GMDS: variants seen among roughly 807,000 people sequenced by gnomAD.
GMDS encodes GDP-mannose 4,6-dehydratase, also known as GDP-mannose 4,6 dehydratase.
A neutral mutation model predicts 49.9 loss-of-function variants in GMDS; 20 were observed. That is an observed-to-expected ratio of 0.40 (90% CI 0.28 to 0.58). The LOEUF (loss-of-function observed/expected upper bound fraction) is 0.58, where lower values mean the gene tolerates loss of function less well. Among genes scored for constraint, GMDS ranks in the 20% least tolerant of loss-of-function variants. The pLI, the probability that GMDS is intolerant of heterozygous loss-of-function variation, is 0.42. For missense variants in GMDS, 362 were observed against 481.4 expected (o/e 0.75, Z 2.32); for synonymous variants, 177 against 178.6 (o/e 0.99, Z 0.07).
intron 4 of GMDS, 22 bp from the exon 5 acceptor site, chr6:1,960,988 A>G (rs779713894): frequency 2.0e-6 from 3 of 1,480,910 alleles, no homozygotes; most frequent in South Asian, 1.4e-5. Context: ...AGGCGGAGAC[A>G]GGGCTGCATT....
intron 6 of GMDS, among the ~76,000 whole-genome samples, chr6:1,932,335 C>T (rs1762325159): frequency 6.6e-6 from 1 of 152,102 alleles, no homozygotes; most frequent in South Asian, 2.1e-4. Context: ...ATATTACCCC[C>T]ATTTTGTACA....
chr6:1,714,827 T>C (rs969453196), intron 9 of GMDS, among the ~76,000 whole-genome samples: 1 of 152,370 alleles, frequency 6.6e-6, no homozygotes, highest in Non-Finnish European at 1.5e-5. Context: ...TACTATGAGA[T>C]TTTCCCACAA....
chr6:1,852,601 AT>A (rs1237208913), intron 7 of GMDS, among the ~76,000 whole-genome samples: 4 of 151,882 alleles, frequency 2.6e-5, no homozygotes, highest in Non-Finnish European at 4.4e-5. Context: ...AAAATTTAGC[AT>A]TATGTTTTTC....
chr6:2,234,825 T>G (rs1781279668), intron 1 of GMDS, among the ~76,000 whole-genome samples: 1 of 152,040 alleles, frequency 6.6e-6, no homozygotes, highest in Non-Finnish European at 1.5e-5. Context: ...ATGCAAGAAG[T>G]TTACGGTCAC....
intron 9 of GMDS, among the ~76,000 whole-genome samples, chr6:1,687,465 T>C (rs1346348724): frequency 6.6e-6 from 1 of 151,982 alleles, no homozygotes; most frequent in Non-Finnish European, 1.5e-5. Flanking sequence ...GTTCTGAATT[T>C]CAGCCCAGAA....
At position 2,096,513 on chromosome 6, in the gene GMDS, T is replaced by C. The variant is rs1159970443; in HGVS notation, c.345+19258A>G. 3.3e-5 allele frequency among the ~76,000 whole-genome samples: 5 copies of C among 152,086 alleles called. 1 individual carries two copies. The highest frequency in any genetic ancestry group is 1.2e-4 in the African/African-American group (5 of 41,426). ...AGACACTTTATGTTAACTAATGTAG[T>C]GGAAAGGACTACATTAATGATTTGC... On this transcript the variant is annotated intron_variant, in intron 4 of 10. Transcript: ENST00000380815.
At chr6:1,964,161 C>A (rs2127302963) in intron 4 of GMDS, among the ~76,000 whole-genome samples, 1 of 152,328 alleles carries the variant, frequency 6.6e-6, no homozygotes. Flanking sequence ...TAAACTAGAT[C>A]TTTCTGAAGA....
At chr6:1,654,459 A>G (rs149969903) in intron 9 of GMDS, among the ~76,000 whole-genome samples, 1 of 152,364 alleles carries the variant, frequency 6.6e-6, no homozygotes, top group East Asian at 1.9e-4. Flanking sequence ...CACCTGCTAC[A>G]ACATGGATAA....
At chr6:2,097,191 T>A (rs1773652585) in intron 4 of GMDS, among the ~76,000 whole-genome samples, 1 of 152,160 alleles carries the variant, frequency 6.6e-6, no homozygotes, top group Non-Finnish European at 1.5e-5. Context: ...GATCACTGAA[T>A]TTTTGGAATC....
At chr6:1,953,322 A>G (rs2127281742) in intron 6 of GMDS, among the ~76,000 whole-genome samples, 2 of 152,344 alleles carry the variant, frequency 1.3e-5, no homozygotes, top group Middle Eastern at 3.4e-3. Context: ...ACATTTAAAA[A>G]AAAAGAATGC....
chr6:1,717,071 G>A (rs1766202156), intron 9 of GMDS, among the ~76,000 whole-genome samples: 1 of 152,216 alleles, frequency 6.6e-6, no homozygotes, highest in Non-Finnish European at 1.5e-5. Flanking sequence ...GATTAACTCA[G>A]TATTCCCTGC....
chr6:1,751,326 C>T (rs939059189), intron 7 of GMDS, among the ~76,000 whole-genome samples: 4 of 152,126 alleles, frequency 2.6e-5, no homozygotes, highest in Non-Finnish European at 4.4e-5. Flanking sequence ...AGGAGAGCTC[C>T]GGCTAGCATC....
In GMDS at chr6:1,803,267, C is replaced by T. The variant is rs139348819; in HGVS notation, c.772-60681G>A. 4.0e-3 allele frequency among the ~76,000 whole-genome samples: 615 copies of T among 152,058 alleles called. 2 individuals are homozygous for T. The highest frequency in any genetic ancestry group is 0.014 in the African/African-American group (580 of 41,488). ...GAACAGAAATGTGGGATTGATACGG[C>T]ATTCTTGCAAAACCCTGGCTGGCTA... is the stretch of plus-strand genomic sequence containing the variant. On this transcript the variant is annotated intron_variant, in intron 7 of 10. Coordinates refer to ENST00000380815, the MANE Select transcript of GMDS (RefSeq NM_001500.4).
chr6:1,648,341 G>A (rs954086139), intron 9 of GMDS, among the ~76,000 whole-genome samples: 2 of 152,192 alleles, frequency 1.3e-5, no homozygotes, highest in Non-Finnish European at 2.9e-5. Context: ...ACCTTGGTCG[G>A]AAGGAAACCT....
At chr6:1,653,265 C>T (rs534168500) in intron 9 of GMDS, among the ~76,000 whole-genome samples, 1 of 152,298 alleles carries the variant, frequency 6.6e-6, no homozygotes, top group African/African-American at 2.4e-5. Flanking sequence ...AAGTACTTCA[C>T]TTATAATAGG....
At chr6:1,911,725 A>G (rs1761068013) in intron 7 of GMDS, among the ~76,000 whole-genome samples, 1 of 152,182 alleles carries the variant, frequency 6.6e-6, no homozygotes, top group Non-Finnish European at 1.5e-5. Flanking sequence ...TGCAACATAA[A>G]TTGAACCATT....
intron 1 of GMDS, among the ~76,000 whole-genome samples, chr6:2,154,317 G>A (rs1482328283): frequency 1.3e-5 from 2 of 151,900 alleles, no homozygotes; most frequent in Non-Finnish European, 1.5e-5. Flanking sequence ...AACCCTATTT[G>A]GGAACGCATT....
chr6:1,628,528 C>A (rs1312301228), intron 9 of GMDS, among the ~76,000 whole-genome samples: 2 of 152,218 alleles, frequency 1.3e-5, no homozygotes, highest in African/African-American at 4.8e-5. Context: ...ATTTCATTTT[C>A]TCCCCTTTTC....
At chr6:1,954,309 C>T (rs1219781354) in intron 6 of GMDS, among the ~76,000 whole-genome samples, 1 of 152,246 alleles carries the variant, frequency 6.6e-6, no homozygotes, top group Non-Finnish European at 1.5e-5. Flanking sequence ...TGGTAGAGGG[C>T]TTGCCTCAGT....
Sources: allele counts gnomAD v4.1 joint callset (sites outside exome capture counted in the v4.1 genomes callset), GRCh38; gene constraint gnomAD v4.1.1; transcripts MANE v1.5; gene names NCBI Gene and HGNC (gene_info 2026-07-23, HGNC 2026-07-21).